Variants in FYCO1 observed in about 807,000 individuals in gnomAD.
FYCO1 encodes FYVE and coiled-coil domain autophagy adaptor 1.
FYCO1 carries 122 observed loss-of-function variants against 165.1 expected under a neutral mutation model. That is an observed-to-expected ratio of 0.74 (90% CI 0.64 to 0.86). The LOEUF is 0.86. Ranked by LOEUF, FYCO1 falls within the 40% of genes least tolerant of loss-of-function variation. FYCO1 has a pLI of 0.00. For synonymous variants in FYCO1, 648 were observed against 742.5 expected, an observed-to-expected ratio of 0.87 and a Z score of 2.07; for missense variants, 1,702 against 1,810.3, an observed-to-expected ratio of 0.94 and a Z score of 1.09.
intron 6 of FYCO1, 59 bp from the exon 7 acceptor site, chr3:45,969,824 G>T: frequency 1.4e-6 from 2 of 1,440,612 alleles, no homozygotes; most frequent in South Asian, 1.2e-5. Flanking sequence ...ACACATGGAG[G>T]CCTTGCTGGT....
In FYCO1 at chr3:45,967,347, G is replaced by GGGAGGCCAA; in HGVS notation, c.1978_1986dup (p.Ala661_Leu663dup). On this transcript the variant is annotated inframe_insertion, in exon 8 of 18. Coordinates refer to ENST00000296137, the MANE Select transcript of FYCO1 (RefSeq NM_024513.4). Reference sequence around the variant, plus strand: ...CGGATGCTGGCCTGCTCGGCCTCCAGGGAGGCCAAGGAGCCCTGGATGGCT... The same window carrying GGGAGGCCAA: ...CGGATGCTGGCCTGCTCGGCCTCCAGGGAGGCCAAGGAGGCCAAGGAGCCCTGGATGGCT... The GGGAGGCCAA allele has an allele frequency of 6.2e-7, 1 of 1,609,132 alleles. No homozygotes were observed.
At chr3:45,977,373 AT>A (rs1706818294) in intron 4 of FYCO1, among the ~76,000 whole-genome samples, 1 of 15,100 alleles carries the variant, frequency 6.6e-5, no homozygotes, top group Non-Finnish European at 1.6e-4. Flanking sequence ...ATATATATAT[AT>A]ATATATATAT....
intron 17 of FYCO1, 89 bp downstream of exon 17, chr3:45,923,567 A>G: frequency 1.2e-6 from 1 of 821,900 alleles, no homozygotes; most frequent in Non-Finnish European, 2.2e-6. Flanking sequence ...TTACTGACAA[A>G]TAATTGGTTT....
intron 12 of FYCO1, 101 bp downstream of exon 12, chr3:45,959,292 C>T: frequency 1.6e-6 from 2 of 1,289,926 alleles, no homozygotes; most frequent in Non-Finnish European, 2.2e-6. Flanking sequence ...AATAGTCAGC[C>T]ATGGTGCCAA....
chr3:45,936,272 T>C (rs571944311), intron 15 of FYCO1, among the ~76,000 whole-genome samples, 176 bp downstream of exon 15: 1 of 152,296 alleles, frequency 6.6e-6, no homozygotes, highest in East Asian at 1.9e-4. Flanking sequence ...ATTCAAGCAC[T>C]GTATACTTGC....
chr3:45,936,595 C>A, intron 14 of FYCO1, 52 bp from the exon 15 acceptor site: 1 of 1,305,502 alleles, frequency 7.7e-7, no homozygotes, highest in South Asian at 1.2e-5. Context: ...CACACAGGGT[C>A]TCACATCCTG....
intron 2 of FYCO1, among the ~76,000 whole-genome samples, chr3:45,982,558 C>T (rs1238605820): frequency 6.6e-6 from 1 of 152,214 alleles, no homozygotes; most frequent in Non-Finnish European, 1.5e-5. Flanking sequence ...CACTCACTGC[C>T]TCTGCTGTGG....
chr3:45,944,435 C>T (rs1704451842), intron 14 of FYCO1, among the ~76,000 whole-genome samples: 1 of 152,094 alleles, frequency 6.6e-6, no homozygotes, highest in Non-Finnish European at 1.5e-5. Flanking sequence ...AGTAAAAATA[C>T]TTCCTAAACA....
intron 15 of FYCO1, among the ~76,000 whole-genome samples, chr3:45,936,129 A>C (rs1703875163): frequency 6.6e-6 from 1 of 152,210 alleles, no homozygotes; most frequent in Non-Finnish European, 1.5e-5. Flanking sequence ...CATACAATAA[A>C]AAAATTAACA....
intron 13 of FYCO1, among the ~76,000 whole-genome samples, chr3:45,957,896 C>A (rs1462998074): frequency 6.6e-6 from 1 of 152,248 alleles, no homozygotes; most frequent in Non-Finnish European, 1.5e-5. Context: ...GAAGGGCAGC[C>A]CAGGCCTGTC....
chr3:45,944,030 A>G (rs1331022722), intron 14 of FYCO1, among the ~76,000 whole-genome samples: 1 of 152,202 alleles, frequency 6.6e-6, no homozygotes, highest in African/African-American at 2.4e-5. Flanking sequence ...GCCAACTGTT[A>G]ATAAAATGTG....
In FYCO1 at chr3:45,967,354, C is replaced by T; in HGVS notation, c.1980G>A (p.Leu660=). ...TGGCCTGCTCGGCCTCCAGGGAGGC[C>T]AAGGAGCCCTGGATGGCTGATTCCC... ...QQRESAIQGS[L]ASLEAEQASI... The change falls in exon 8 of 18, where the codon TTG becomes TTA. Residue 660 remains leucine, a synonymous_variant. Transcript: ENST00000296137. The T allele has an allele frequency of 6.2e-7, 1 of 1,608,926 alleles. No individual in the cohort carries two copies. Among genetic ancestry groups the T allele is most frequent in the Non-Finnish European group, 8.5e-7 (1 of 1,176,438 alleles).
chr3:45,980,828 A>G (rs1707009830), intron 3 of FYCO1, among the ~76,000 whole-genome samples: 2 of 152,224 alleles, frequency 1.3e-5, no homozygotes, highest in African/African-American at 4.8e-5. Flanking sequence ...ACACAAAAAT[A>G]GAAAAAAATT....
At position 45,919,865 on chromosome 3, in the gene FYCO1, G is replaced by GA. The variant is rs1703031227; in HGVS notation, c.*1899dup. On this transcript the variant is annotated 3_prime_UTR_variant, in exon 18 of 18. Coordinates refer to ENST00000296137, the MANE Select transcript of FYCO1 (RefSeq NM_024513.4). Reference sequence around the variant, plus strand: ...ATCTCAGGCCACGTGGCATGCCTGTGAGGACAAACATCAGGCCAAGAAGAG... The same window carrying GA: ...ATCTCAGGCCACGTGGCATGCCTGTGAAGGACAAACATCAGGCCAAGAAGAG... The GA allele has an allele frequency of 6.6e-6, 1 of 152,240 alleles. No homozygotes were observed. The highest frequency in any genetic ancestry group is 2.1e-4 in the South Asian group (1 of 4,834). 9.4% of individuals were successfully genotyped at this position (152,240 alleles called of 1,614,324 possible).
At chr3:45,923,324 A>G (rs1244761243) in intron 17 of FYCO1, among the ~76,000 whole-genome samples, 1 of 152,210 alleles carries the variant, frequency 6.6e-6, no homozygotes, top group Non-Finnish European at 1.5e-5. Context: ...GTGGGAATCA[A>G]TATCAGAGAG....
At chr3:45,986,550 A>C (rs1469561523) in intron 1 of FYCO1, among the ~76,000 whole-genome samples, 1 of 152,220 alleles carries the variant, frequency 6.6e-6, no homozygotes, top group Non-Finnish European at 1.5e-5. Context: ...GACTCAGTGC[A>C]AACAAGGCCC....
chr3:45,965,975 C>A (rs1176468535), intron 8 of FYCO1, among the ~76,000 whole-genome samples: 1 of 152,254 alleles, frequency 6.6e-6, no homozygotes, highest in Non-Finnish European at 1.5e-5. Flanking sequence ...AAACACCCTG[C>A]TCTTTCAATG....
chr3:45,938,276 T>C, intron 14 of FYCO1: 1 of 1,277,270 alleles, frequency 7.8e-7, no homozygotes, highest in Non-Finnish European at 1.0e-6. Flanking sequence ...GAGGTAGGAA[T>C]GGGATAGGTG....
rs777668894 is a variant in FYCO1 at position 45,967,062 on chromosome 3, G to A, written c.2272C>T (p.Pro758Ser). 51 of 1,613,620 alleles carry A rather than the reference G, an allele frequency of 3.2e-5. 1 individual carries two copies. Among genetic ancestry groups the A allele is most frequent in the Middle Eastern group, 3.3e-4 (2 of 6,084 alleles). Residue 758 changes from proline to serine, a missense_variant, in exon 8 of 18, where the codon CCA becomes TCA. Pro to Ser is a moderately conservative substitution (Grantham distance 74). Coordinates refer to ENST00000296137, the MANE Select transcript of FYCO1 (RefSeq NM_024513.4). ...TCACGGGCTTCATTGTCAGTGGGTG[G>A]GCCAACTCCCTGTTGGCCTTTCTCT... Reference protein sequence around the residue: ...TAEKGQQGVGPPTDNEARELA... With the variant: ...TAEKGQQGVGSPTDNEARELA...
Sources: allele counts gnomAD v4.1 joint callset (sites outside exome capture counted in the v4.1 genomes callset), GRCh38; gene constraint gnomAD v4.1.1; transcripts MANE v1.5; gene names NCBI Gene and HGNC (gene_info 2026-07-23, HGNC 2026-07-21).